Variants in ASB4 observed in about 807,000 individuals in gnomAD.
ASB4 encodes ankyrin repeat and SOCS box protein 4.
Under a neutral mutation model 38.6 loss-of-function variants are expected in ASB4, and 35 were observed. That is an observed-to-expected ratio of 0.91 (90% CI 0.69 to 1.20). ASB4 has a LOEUF of 1.20. ASB4 is among the 50% of genes most tolerant of loss of function. ASB4 has a pLI of 0.00. For missense variants in ASB4, 557 were observed against 527.2 expected (o/e 1.06, Z -0.55); for synonymous variants, 195 against 201.3 (o/e 0.97, Z 0.26).
the ASB4 span, among the ~76,000 whole-genome samples, chr7:95,546,425 T>C: frequency 1.3e-5 from 2 of 149,940 alleles, no homozygotes; most frequent in South Asian, 4.1e-4. Context: ...TCTTAAATAT[T>C]TTTTTTTCTG....
In ASB4 at chr7:95,495,939, T is replaced by A. The variant is rs751253040; in HGVS notation, c.369T>A (p.Val123=). 1 of 1,614,134 alleles carries A rather than the reference T, an allele frequency of 6.2e-7. No individual in the cohort carries two copies. The highest frequency in any genetic ancestry group is 2.2e-5 in the East Asian group (1 of 44,880). The change falls in exon 2 of 5, where the codon GTT becomes GTA. Residue 123 remains valine (V), a synonymous_variant. Coordinates refer to ENST00000325885, the MANE Select transcript of ASB4 (RefSeq NM_016116.3). ...GTGAAATGGCCAATGTGGATTGTGTTAAGATCCTCTGTGATCGTGGGGCAA... is the reference window on the plus strand; with the variant it reads ...GTGAAATGGCCAATGTGGATTGTGTAAAGATCCTCTGTGATCGTGGGGCAA... ...VACEMANVDC[V]KILCDRGAKL...
chr7:95,499,967 G>T (rs550703331), intron 2 of ASB4, among the ~76,000 whole-genome samples: 1 of 149,682 alleles, frequency 6.7e-6, no homozygotes, highest in African/African-American at 2.5e-5. Context: ...TCTGCCTCCC[G>T]GGTTCACGCC....
downstream of ASB4, chr7:95,542,050 G>C (rs1039134315): frequency 6.6e-6 from 1 of 151,384 alleles, no homozygotes; most frequent in Admixed American, 6.6e-5. Flanking sequence ...CTGGGCAACA[G>C]AGTGAGACCT....
rs116960695 is a variant in ASB4, at chr7:95,525,894, G to A, written c.488-1919G>A. 2.2e-4 allele frequency among the ~76,000 whole-genome samples: 33 copies of A among 152,214 alleles called. 2 individuals are homozygous for A. The East Asian group carries it at 6.0e-3, about 28-fold the overall frequency. ...GAGTTTACAGAGCAATGTACTCTTG[G>A]GTACCTTCCTTGGGGACTGAGTTTG... On this transcript the variant is annotated intron_variant, in intron 2 of 4. Transcript: ENST00000325885.
the ASB4 span, among the ~76,000 whole-genome samples, chr7:95,545,362 G>T: frequency 1.3e-5 from 2 of 152,320 alleles, no homozygotes; most frequent in South Asian, 4.1e-4. Flanking sequence ...ATTGGAAAGA[G>T]ATCTGGGTAT....
chr7:95,526,426 C>G (rs193098028), intron 2 of ASB4, among the ~76,000 whole-genome samples: 1 of 152,064 alleles, frequency 6.6e-6, no homozygotes, highest in African/African-American at 2.4e-5. Flanking sequence ...CTCTGCTGTG[C>G]TGCCGGTTGC....
At chr7:95,524,574 C>T (rs1790711136) in intron 2 of ASB4, among the ~76,000 whole-genome samples, 1 of 152,126 alleles carries the variant, frequency 6.6e-6, no homozygotes, top group Non-Finnish European at 1.5e-5. Flanking sequence ...GTGCGCCACC[C>T]CCCAAAACAC....
chr7:95,541,530 G>A (rs1220325184), downstream of ASB4, among the ~76,000 whole-genome samples: 2 of 152,150 alleles, frequency 1.3e-5, no homozygotes, highest in African/African-American at 2.4e-5. Flanking sequence ...GGAATCCACG[G>A]GGGAACAAGA....
intron 2 of ASB4, among the ~76,000 whole-genome samples, chr7:95,525,931 G>A (rs1790730632): frequency 6.6e-6 from 1 of 152,182 alleles, no homozygotes; most frequent in Non-Finnish European, 1.5e-5. Context: ...ATAGGATATT[G>A]AGCATGCTTG....
chr7:95,496,110 C>G, intron 2 of ASB4, 53 bp downstream of exon 2: 2 of 1,541,310 alleles, frequency 1.3e-6, no homozygotes, highest in Non-Finnish European at 1.8e-6. Flanking sequence ...CTCATGGTTT[C>G]AAGACTTTGT....
At chr7:95,523,497 C>T (rs553377795) in intron 2 of ASB4, among the ~76,000 whole-genome samples, 6 of 152,054 alleles carry the variant, frequency 3.9e-5, no homozygotes, top group South Asian at 2.1e-4. Context: ...CAAATGAATT[C>T]GGATTTTAAA....
intron 1 of ASB4, among the ~76,000 whole-genome samples, chr7:95,489,525 A>G (rs1267687558): frequency 6.6e-6 from 1 of 152,214 alleles, no homozygotes; most frequent in Non-Finnish European, 1.5e-5. Flanking sequence ...TGCAGATGAA[A>G]TCATGTTTTA....
the ASB4 span, among the ~76,000 whole-genome samples, chr7:95,546,200 TGTAA>T: frequency 6.6e-6 from 1 of 152,220 alleles, no homozygotes; most frequent in East Asian, 1.9e-4. Flanking sequence ...TCTAGATTTC[TGTAA>T]GTGACTGACT....
At chr7:95,507,531 T>C (rs1790426535) in intron 2 of ASB4, among the ~76,000 whole-genome samples, 1 of 152,170 alleles carries the variant, frequency 6.6e-6, no homozygotes, top group South Asian at 2.1e-4. Context: ...TCTGTGGCAC[T>C]TACATTTTAT....
At chr7:95,540,494 TCTC>T (rs1387772922), downstream of ASB4, among the ~76,000 whole-genome samples, 1 of 152,170 alleles carries the variant, frequency 6.6e-6, no homozygotes, top group Non-Finnish European at 1.5e-5. Flanking sequence ...ACTGAATCAT[TCTC>T]CTCTGCCTCT....
downstream of ASB4, chr7:95,543,516 T>C (rs2116668347): frequency 6.6e-6 from 1 of 152,188 alleles, no homozygotes; most frequent in Admixed American, 6.5e-5. Context: ...GCTATTGGAG[T>C]CGAGGGCAGA....
intron 3 of ASB4, among the ~76,000 whole-genome samples, chr7:95,533,288 A>G (rs1790843936): frequency 1.3e-5 from 2 of 152,170 alleles, no homozygotes; most frequent in Non-Finnish European, 2.9e-5. Context: ...AGTAAAGATG[A>G]TATTCTGATC....
chr7:95,495,845 T>C lies in ASB4; in HGVS notation c.275T>C (p.Leu92Pro), dbSNP rs768490367. 1 of 1,613,990 alleles carries C rather than the reference T, an allele frequency of 6.2e-7. No homozygotes were observed. Residue 92 changes from leucine to proline, a missense_variant, in exon 2 of 5, where the codon CTG becomes CCG. Coordinates refer to ENST00000325885, the MANE Select transcript of ASB4 (RefSeq NM_016116.3). ...SVLFGHVECL[L>P]VLLDHNATIN... ...TTGTTTGGCCATGTGGAATGTCTTC[T>C]GGTGCTACTGGACCACAATGCTACA... is the stretch of plus-strand genomic sequence containing the variant.
At chr7:95,545,538 T>G in the ASB4 span, among the ~76,000 whole-genome samples, 7 of 152,350 alleles carry the variant, frequency 4.6e-5, no homozygotes, top group Admixed American at 4.6e-4. Flanking sequence ...TCCCTGTTTT[T>G]CTTTCTGTCT....
Sources: allele counts gnomAD v4.1 joint callset (sites outside exome capture counted in the v4.1 genomes callset), GRCh38; gene constraint gnomAD v4.1.1; transcripts MANE v1.5; gene names NCBI Gene and HGNC (gene_info 2026-07-23, HGNC 2026-07-21).